SKAP2: variants seen among roughly 807,000 people sequenced by gnomAD.
SKAP2 encodes the protein src kinase associated phosphoprotein 2.
Under a neutral mutation model 54.9 loss-of-function variants are expected in SKAP2, and 28 were observed. The ratio of observed to expected loss-of-function variants is 0.51; its 90% CI spans 0.38 to 0.70. The LOEUF (loss-of-function observed/expected upper bound fraction) is 0.70, where lower values mean the gene tolerates loss of function less well. SKAP2 is among the 30% of genes least tolerant of loss of function. SKAP2 has a pLI of 0.00. For synonymous variants in SKAP2, 137 were observed against 134.3 expected (o/e 1.02, Z -0.14); for missense variants, 356 against 424.1 (o/e 0.84, Z 1.41).
At chr7:26,796,885 A>G (rs111630829) in intron 4 of SKAP2, among the ~76,000 whole-genome samples, 177 of 152,310 alleles carry the variant, frequency 1.2e-3, no homozygotes, top group Admixed American at 3.5e-3. Flanking sequence ...GGGGGTTGAC[A>G]TCCCTAAACC....
At chr7:26,788,824 G>GCACA (rs143795258) in intron 4 of SKAP2, among the ~76,000 whole-genome samples, 1 of 150,866 alleles carries the variant, frequency 6.6e-6, no homozygotes, top group African/African-American at 2.4e-5. Flanking sequence ...ACACACGTGC[G>GCACA]CACACACACA....
At chr7:26,815,130 G>A (rs886321380) in intron 4 of SKAP2, among the ~76,000 whole-genome samples, 1 of 151,614 alleles carries the variant, frequency 6.6e-6, no homozygotes, top group Admixed American at 6.6e-5. Context: ...AGGGGATAAA[G>A]TATTACTGGG....
intron 9 of SKAP2, among the ~76,000 whole-genome samples, chr7:26,696,818 G>A (rs887902721): frequency 2.1e-4 from 32 of 152,192 alleles, no homozygotes; most frequent in African/African-American, 7.7e-4. Context: ...GGAGGCCAAG[G>A]CAGGAGGATC....
intron 4 of SKAP2, among the ~76,000 whole-genome samples, chr7:26,813,215 T>C (rs977729255): frequency 6.6e-6 from 1 of 152,166 alleles, no homozygotes; most frequent in African/African-American, 2.4e-5. Context: ...GGAGTCAGAA[T>C]TGATTTTCTA....
intron 6 of SKAP2, among the ~76,000 whole-genome samples, chr7:26,728,802 A>G (rs1787762915): frequency 6.6e-6 from 1 of 152,100 alleles, no homozygotes; most frequent in Non-Finnish European, 1.5e-5. Context: ...AGTTCCTTAA[A>G]CTCTCCAGAA....
intron 6 of SKAP2, among the ~76,000 whole-genome samples, chr7:26,730,219 A>G (rs1787794169): frequency 6.6e-6 from 1 of 152,234 alleles, no homozygotes; most frequent in Non-Finnish European, 1.5e-5. Context: ...GTGGTAAGTC[A>G]TAAGAATTTA....
At chr7:26,848,803 A>G (rs1051163036) in intron 3 of SKAP2, among the ~76,000 whole-genome samples, 10 of 152,228 alleles carry the variant, frequency 6.6e-5, no homozygotes, top group Non-Finnish European at 8.8e-5. Flanking sequence ...TTTCATTCTT[A>G]AGGCTCTGAA....
At chr7:26,799,232 G>A (rs1413494918) in intron 4 of SKAP2, among the ~76,000 whole-genome samples, 1 of 151,710 alleles carries the variant, frequency 6.6e-6, no homozygotes, top group African/African-American at 2.4e-5. Flanking sequence ...ACCATTGAAT[G>A]TAAATGGATT....
At chr7:26,740,084 CT>C in intron 4 of SKAP2, 120 bp from the exon 5 acceptor site, 1 of 555,260 alleles carries the variant, frequency 1.8e-6, no homozygotes, top group Non-Finnish European at 3.1e-6. Context: ...AAATCTAAGT[CT>C]ATTAGCTTTG....
intron 4 of SKAP2, among the ~76,000 whole-genome samples, chr7:26,778,796 A>G (rs1783366492): frequency 6.6e-6 from 1 of 152,034 alleles, no homozygotes; most frequent in Non-Finnish European, 1.5e-5. Context: ...GTATACATGT[A>G]TATAATATAT....
rs371976338 is a variant in SKAP2 at position 26,667,821 on chromosome 7, G to A, written c.*1845C>T. 3.9e-5 allele frequency: 6 copies of A among 152,398 alleles called. No homozygotes were observed. The highest frequency in any genetic ancestry group is 8.8e-5 in the Non-Finnish European group (6 of 68,032). The allele number at this position is 152,398 out of a possible 1,614,324, so 9.4% of individuals were successfully genotyped here. ...AAAGCACAAACCCAAATCCACAAAG[G>A]CTACATTGTCATGGGAAACAACGGC... On this transcript the variant is annotated 3_prime_UTR_variant, in exon 13 of 13. Transcript: ENST00000345317.
At chr7:26,736,575 A>G (rs1046716989) in intron 6 of SKAP2, among the ~76,000 whole-genome samples, 1 of 152,204 alleles carries the variant, frequency 6.6e-6, no homozygotes, top group Non-Finnish European at 1.5e-5. Flanking sequence ...TGCTTTGCCT[A>G]TGGAGTAGTG....
chr7:26,740,151 TAAA>T (rs60264987), intron 4 of SKAP2, among the ~76,000 whole-genome samples, 187 bp from the exon 5 acceptor site: 4 of 129,848 alleles, frequency 3.1e-5, no homozygotes, highest in Admixed American at 7.6e-5. Flanking sequence ...GTCTCAAAAG[TAAA>T]AAAAAAAAAA....
chr7:26,755,916 T>G (rs1240752092), intron 4 of SKAP2, among the ~76,000 whole-genome samples: 3 of 152,112 alleles, frequency 2.0e-5, no homozygotes, highest in Non-Finnish European at 4.4e-5. Flanking sequence ...ATAATTCAAC[T>G]CCTAAGAATC....
chr7:26,826,812 T>A (rs1784501088), intron 4 of SKAP2, among the ~76,000 whole-genome samples: 1 of 152,162 alleles, frequency 6.6e-6, no homozygotes, highest in Non-Finnish European at 1.5e-5. Context: ...TTCTCCCAAG[T>A]CTAAAATAGC....
intron 4 of SKAP2, among the ~76,000 whole-genome samples, chr7:26,808,249 T>G (rs1327963075): frequency 2.0e-5 from 3 of 152,110 alleles, no homozygotes; most frequent in African/African-American, 7.2e-5. Context: ...ATGGATAAAT[T>G]TTGGTATACA....
chr7:26,855,309 G>GTCAA (rs1388199448), intron 1 of SKAP2, among the ~76,000 whole-genome samples: 1 of 152,016 alleles, frequency 6.6e-6, no homozygotes, highest in Non-Finnish European at 1.5e-5. Context: ...ATATTATTAT[G>GTCAA]TCAATACAAG....
chr7:26,761,693 G>T (rs554089149), intron 4 of SKAP2, among the ~76,000 whole-genome samples: 5 of 152,168 alleles, frequency 3.3e-5, no homozygotes, highest in African/African-American at 1.2e-4. Flanking sequence ...GAGCTCAGGC[G>T]TTTGAGACCG....
chr7:26,748,597 C>T (rs1782609976), intron 4 of SKAP2, among the ~76,000 whole-genome samples: 1 of 152,084 alleles, frequency 6.6e-6, no homozygotes, highest in East Asian at 1.9e-4. Context: ...TGCTCTGTAG[C>T]AAGTAAAACA....
Sources: gnomAD v4.1 joint callset for allele counts (sites outside exome capture counted in the v4.1 genomes callset) on GRCh38, gnomAD v4.1.1 for gene constraint, MANE v1.5 for transcripts, NCBI Gene and HGNC (gene_info 2026-07-23, HGNC 2026-07-21) for gene names.